Variants in BMPR1B observed in about 807,000 individuals in gnomAD.
BMPR1B encodes the protein bone morphogenetic protein receptor type-1B.
Under a neutral mutation model 59.1 loss-of-function variants are expected in BMPR1B, and 12 were observed. The observed-to-expected ratio is 0.20, with a 90% CI of 0.13 to 0.33. The LOEUF (loss-of-function observed/expected upper bound fraction) is 0.33, where lower values mean the gene tolerates loss of function less well. Ranked by LOEUF, BMPR1B falls within the 10% of genes least tolerant of loss-of-function variation. BMPR1B has a pLI of 1.00. For synonymous variants in BMPR1B, 237 were observed against 207.3 expected (o/e 1.14, Z -1.23); for missense variants, 550 against 610.9 (o/e 0.90, Z 1.05).
chr4:95,103,572 C>T (rs1730976244), intron 3 of BMPR1B: 2 of 825,220 alleles, frequency 2.4e-6, no homozygotes, highest in African/African-American at 3.7e-5. Flanking sequence ...AAGCTCTTGA[C>T]ATGAGGTTTG....
intron 3 of BMPR1B, among the ~76,000 whole-genome samples, chr4:95,076,790 AG>A (rs1359030432): frequency 6.6e-6 from 1 of 152,102 alleles, no homozygotes; most frequent in Non-Finnish European, 1.5e-5. Flanking sequence ...ACGTTAAAAA[AG>A]AAACACAATC....
chr4:94,908,093 A>AAAAAGAAAAAG (rs1553917473), intron 2 of BMPR1B, among the ~76,000 whole-genome samples: 1 of 118,712 alleles, frequency 8.4e-6, no homozygotes, highest in Non-Finnish European at 1.6e-5. Flanking sequence ...AAAAAAAAGA[A>AAAAAGAAAAAG]AAAACAAAAA....
Position 94,881,164 on chromosome 4 carries a change from A to G in BMPR1B, c.-113+5264A>G, listed in dbSNP as rs559779491. The stretch of plus-strand genomic sequence containing the variant: ...CATCATCCATCTCAAGAACATTTTC[A>G]TCTTCTGCAACTGAAACTGTACCTT... On this transcript the variant is annotated intron_variant, in intron 2 of 12. Transcript: ENST00000515059. 2.6e-5 allele frequency among the ~76,000 whole-genome samples: 4 copies of G among 152,212 alleles called. No homozygotes were observed. In the South Asian group the frequency reaches 8.3e-4, roughly 32 times the overall value.
At chr4:95,114,619 C>A (rs1731874682) in intron 4 of BMPR1B, 101 bp from the exon 5 acceptor site, 1 of 985,434 alleles carries the variant, frequency 1.0e-6, no homozygotes, top group Non-Finnish European at 1.6e-6. Flanking sequence ...ACAAATGATA[C>A]ACATCACTTA....
In BMPR1B at chr4:94,794,668, A is replaced by C. The variant is rs1216257771; in HGVS notation, c.-183+36600A>C. ...ACCCATGAGCATGGAATGTTCTTCC[A>C]TTTCTTTGTATCGTCTTTTATTTCC... On this transcript the variant is annotated intron_variant, in intron 1 of 12. Transcript: ENST00000515059. Among the ~76,000 whole-genome samples, 7 of 151,802 alleles carry C rather than the reference A, an allele frequency of 4.6e-5. No homozygotes were observed. The East Asian group carries it at 1.2e-3, about 25-fold the overall frequency.
At chr4:95,034,281 ATATT>A (rs1314276912) in intron 3 of BMPR1B, among the ~76,000 whole-genome samples, 10 of 152,020 alleles carry the variant, frequency 6.6e-5, no homozygotes, top group Admixed American at 1.3e-4. Flanking sequence ...GATACATGAG[ATATT>A]TATTATTATT....
At chr4:94,951,767 C>T (rs1729948010) in intron 2 of BMPR1B, among the ~76,000 whole-genome samples, 1 of 152,068 alleles carries the variant, frequency 6.6e-6, no homozygotes, top group Non-Finnish European at 1.5e-5. Flanking sequence ...AAGATGCTGA[C>T]CTCATAAAAT....
chr4:95,095,428 A>C (rs1247346161), intron 3 of BMPR1B, among the ~76,000 whole-genome samples: 1 of 152,094 alleles, frequency 6.6e-6, no homozygotes, highest in African/African-American at 2.4e-5. Context: ...GGTCATTCCC[A>C]AAGTTGTTGC....
rs1731979487 is a variant in BMPR1B, at chr4:95,115,731, A to G, written c.293A>G (p.Glu98Gly). ...HQRRSIECCT[E>G]RNECNKDLHP... Reference sequence around the variant, plus strand: ...AGAAGATCAATTGAATGCTGCACAGAAAGGAACGAATGTAATAAAGACCTA... The same window carrying G: ...AGAAGATCAATTGAATGCTGCACAGGAAGGAACGAATGTAATAAAGACCTA... Residue 98 changes from glutamate (E) to glycine (G), a missense_variant, in exon 6 of 13, where the codon GAA (glutamate) becomes GGA (glycine). This residue lies in a region of BMPR1B where 24 missense variants were observed against 20.3 expected (regional missense o/e 1.18). Transcript: ENST00000515059. The G allele has an allele frequency of 3.1e-6, 5 of 1,613,888 alleles. No individual in the cohort carries two copies. Among genetic ancestry groups the G allele is most frequent in the South Asian group, 2.2e-5 (2 of 91,086 alleles).
At chr4:94,867,285 C>A (rs1324819235) in intron 1 of BMPR1B, among the ~76,000 whole-genome samples, 2 of 152,164 alleles carry the variant, frequency 1.3e-5, no homozygotes, top group Non-Finnish European at 2.9e-5. Flanking sequence ...AAGGGGTCAA[C>A]ATGTTTGTGT....
intron 1 of BMPR1B, among the ~76,000 whole-genome samples, chr4:94,803,384 A>G (rs1723481093): frequency 6.6e-6 from 1 of 152,148 alleles, no homozygotes; most frequent in African/African-American, 2.4e-5. Context: ...TGTGGTTTAC[A>G]TTGATGTGAC....
chr4:95,118,580 C>T (rs550611706), intron 6 of BMPR1B, among the ~76,000 whole-genome samples: 4 of 152,144 alleles, frequency 2.6e-5, no homozygotes, highest in Admixed American at 6.5e-5. Context: ...AGACTTCGCC[C>T]GGGAGTTCTC....
chr4:94,843,327 G>C (rs1291628037), intron 1 of BMPR1B, among the ~76,000 whole-genome samples: 1 of 152,176 alleles, frequency 6.6e-6, no homozygotes, highest in Non-Finnish European at 1.5e-5. Context: ...AGATTCTCCT[G>C]GTTTGAAAGT....
chr4:94,820,176 G>A (rs1724153215), intron 1 of BMPR1B, among the ~76,000 whole-genome samples: 2 of 152,172 alleles, frequency 1.3e-5, no homozygotes, highest in African/African-American at 2.4e-5. Flanking sequence ...ACCTGTGGAA[G>A]GGAAGAGAGA....
intron 1 of BMPR1B, among the ~76,000 whole-genome samples, chr4:94,839,968 A>G (rs1025629776): frequency 3.3e-5 from 5 of 151,058 alleles, no homozygotes; most frequent in Admixed American, 6.6e-5. Flanking sequence ...GGTGACAAAA[A>G]TCTCTCAGCA....
chr4:95,026,815 G>A (rs1724453467), intron 3 of BMPR1B, among the ~76,000 whole-genome samples: 1 of 150,724 alleles, frequency 6.6e-6, no homozygotes, highest in Non-Finnish European at 1.5e-5. Flanking sequence ...AGGATGGAGT[G>A]CAGTGACATG....
intron 2 of BMPR1B, among the ~76,000 whole-genome samples, chr4:94,959,504 A>C (rs1730275745): frequency 6.6e-6 from 1 of 152,242 alleles, no homozygotes; most frequent in South Asian, 2.1e-4. Flanking sequence ...GATTCCTCAA[A>C]GTTGAATATT....
At chr4:95,145,951 T>G (rs111284598) in intron 10 of BMPR1B, among the ~76,000 whole-genome samples, 1 of 152,230 alleles carries the variant, frequency 6.6e-6, no homozygotes, top group Non-Finnish European at 1.5e-5. Flanking sequence ...AAATTATCCA[T>G]AGCAAAGTTT....
At chr4:95,033,975 A>G (rs1725056026) in intron 3 of BMPR1B, among the ~76,000 whole-genome samples, 1 of 152,126 alleles carries the variant, frequency 6.6e-6, no homozygotes, top group African/African-American at 2.4e-5. Flanking sequence ...TACCAATGGA[A>G]TCTTCCTGAA....
Sources: gnomAD v4.1 joint callset for allele counts (sites outside exome capture counted in the v4.1 genomes callset) on GRCh38, gnomAD v4.1.1 for gene constraint, gnomAD v4.1.1 regional missense constraint, MANE v1.5 for transcripts, NCBI Gene and HGNC (gene_info 2026-07-23, HGNC 2026-07-21) for gene names.